UBE2E2: variants seen among roughly 807,000 people sequenced by gnomAD.
UBE2E2 encodes ubiquitin conjugating enzyme E2 E2.
A neutral mutation model predicts 24.7 loss-of-function variants in UBE2E2; 6 were observed. That is an observed-to-expected ratio of 0.24 (90% CI 0.13 to 0.48). The LOEUF is 0.48. Ranked by LOEUF, UBE2E2 falls within the 20% of genes least tolerant of loss-of-function variation. The pLI, the probability that UBE2E2 is intolerant of heterozygous loss-of-function variation, is 0.99. For missense variants in UBE2E2, 169 were observed against 245.0 expected (o/e 0.69, Z 2.07); for synonymous variants, 104 against 83.6 (o/e 1.24, Z -1.33).
intron 3 of UBE2E2, among the ~76,000 whole-genome samples, chr3:23,347,053 T>A (rs1695576134): frequency 6.6e-6 from 1 of 152,166 alleles, no homozygotes; most frequent in Admixed American, 6.5e-5. Flanking sequence ...GCTACTTCCC[T>A]CTCTTTACAT....
intron 5 of UBE2E2, among the ~76,000 whole-genome samples, chr3:23,538,496 A>G (rs1695315981): frequency 6.6e-6 from 1 of 152,216 alleles, no homozygotes; most frequent in African/African-American, 2.4e-5. Context: ...TTTTAATAGC[A>G]AGACAGTAAA....
intron 3 of UBE2E2, among the ~76,000 whole-genome samples, chr3:23,312,737 G>A (rs572380272): frequency 8.6e-5 from 13 of 151,832 alleles, no homozygotes; most frequent in African/African-American, 2.7e-4. Context: ...CTTTTTTGAC[G>A]TAGGCAAAAA....
chr3:23,371,690 G>A (rs1470842742), intron 3 of UBE2E2, among the ~76,000 whole-genome samples: 1 of 152,156 alleles, frequency 6.6e-6, no homozygotes, highest in Non-Finnish European at 1.5e-5. Context: ...GAAGTTAATT[G>A]AGAATAACTA....
At chr3:23,337,807 T>C (rs1305185984) in intron 3 of UBE2E2, among the ~76,000 whole-genome samples, 1 of 152,124 alleles carries the variant, frequency 6.6e-6, no homozygotes, top group African/African-American at 2.4e-5. Flanking sequence ...TGCAGTGTAT[T>C]TTAGGCTACG....
intron 4 of UBE2E2, among the ~76,000 whole-genome samples, chr3:23,514,173 T>G (rs527682998): frequency 6.6e-6 from 1 of 152,352 alleles, no homozygotes; most frequent in Non-Finnish European, 1.5e-5. Context: ...GTTCTTCATG[T>G]GGTCAATACC....
intron 5 of UBE2E2, among the ~76,000 whole-genome samples, chr3:23,543,449 T>G (rs1293870213): frequency 6.6e-6 from 1 of 152,066 alleles, no homozygotes; most frequent in Non-Finnish European, 1.5e-5. Context: ...ATGAACTCAT[T>G]TCCTCTTACA....
At chr3:23,219,683 C>G (rs562065345) in intron 3 of UBE2E2, among the ~76,000 whole-genome samples, 1 of 152,144 alleles carries the variant, frequency 6.6e-6, no homozygotes, top group African/African-American at 2.4e-5. Context: ...GAAAGCATCC[C>G]CTTACTCTGC....
chr3:23,436,910 A>T (rs1242773698), intron 3 of UBE2E2, among the ~76,000 whole-genome samples: 1 of 152,238 alleles, frequency 6.6e-6, no homozygotes, highest in African/African-American at 2.4e-5. Flanking sequence ...GCATAATACT[A>T]TGAGCTGGGT....
At chr3:23,464,236 A>C (rs544643528) in intron 3 of UBE2E2, among the ~76,000 whole-genome samples, 7 of 152,326 alleles carry the variant, frequency 4.6e-5, no homozygotes, top group African/African-American at 1.4e-4. Context: ...TTAATCTACT[A>C]TTTAAATGTA....
intron 3 of UBE2E2, among the ~76,000 whole-genome samples, chr3:23,323,362 A>G (rs1050504518): frequency 6.6e-5 from 10 of 152,078 alleles, no homozygotes; most frequent in African/African-American, 9.7e-5. Flanking sequence ...TCTTCTAGGG[A>G]ATACAAAAGT....
At chr3:23,459,482 A>G (rs1235570435) in intron 3 of UBE2E2, among the ~76,000 whole-genome samples, 3 of 152,230 alleles carry the variant, frequency 2.0e-5, no homozygotes, top group Non-Finnish European at 4.4e-5. Flanking sequence ...TGAGAAAATA[A>G]GTGAGTAGTA....
rs563528836 is a variant in UBE2E2 at position 23,204,129 on chromosome 3, T to C, written c.-9+665T>C. Among the ~76,000 whole-genome samples, 385 of 150,176 alleles carry C rather than the reference T, an allele frequency of 2.6e-3. 2 individuals are homozygous for C. Among genetic ancestry groups the C allele is most frequent in the African/African-American group, 9.1e-3 (372 of 40,788 alleles). On this transcript the variant is annotated intron_variant, in intron 1 of 5. Coordinates refer to ENST00000396703, the MANE Select transcript of UBE2E2 (RefSeq NM_152653.4). ...TTGAAACTGGATTCCCTCTGTCCTC[T>C]CCCCCTTCCCGCCCACCCCACTTCT...
rs548011430 is a variant in UBE2E2, at chr3:23,301,680, C to T, written c.227+84368C>T. On this transcript the variant is annotated intron_variant, in intron 3 of 5. Transcript: ENST00000396703. ...AGGAGTACCCGGCCGTGTGAGGTGT[C>T]AGTCCACCCCCTACTGAGAGATGCC... 2.6e-5 allele frequency among the ~76,000 whole-genome samples: 4 copies of T among 152,300 alleles called. No individual in the cohort carries two copies. The East Asian group carries it at 7.7e-4, about 29-fold the overall frequency.
At chr3:23,241,394 G>A (rs1261561493) in intron 3 of UBE2E2, among the ~76,000 whole-genome samples, 22 of 152,152 alleles carry the variant, frequency 1.4e-4, no homozygotes, top group Non-Finnish European at 1.5e-5. Context: ...TTTTAAACAT[G>A]AAAGTGAGAT....
At chr3:23,440,660 A>G (rs910368531) in intron 3 of UBE2E2, among the ~76,000 whole-genome samples, 36 of 152,226 alleles carry the variant, frequency 2.4e-4, no homozygotes, top group African/African-American at 8.4e-4. Context: ...AGGATAAAGT[A>G]AGATCAGCCT....
chr3:23,543,863 G>A (rs901341597), intron 5 of UBE2E2, among the ~76,000 whole-genome samples: 6 of 152,066 alleles, frequency 3.9e-5, no homozygotes, highest in Non-Finnish European at 8.8e-5. Flanking sequence ...TGTTATAAAA[G>A]TAGATACATA....
At chr3:23,336,869 G>C (rs922970524) in intron 3 of UBE2E2, among the ~76,000 whole-genome samples, 1 of 152,148 alleles carries the variant, frequency 6.6e-6, no homozygotes, top group Non-Finnish European at 1.5e-5. Context: ...GCCGGGTGCG[G>C]TGTTGCATGC....
intron 3 of UBE2E2, among the ~76,000 whole-genome samples, chr3:23,337,444 G>A (rs1005534838): frequency 2.0e-5 from 3 of 152,122 alleles, no homozygotes; most frequent in Non-Finnish European, 4.4e-5. Flanking sequence ...TTGTCCTTAA[G>A]GAATTGATAA....
intron 5 of UBE2E2, among the ~76,000 whole-genome samples, chr3:23,555,939 G>A (rs9856169): frequency 0.67 from 101,819 of 151,898 alleles, 35,753 homozygotes; most frequent in African/African-American, 0.89. Flanking sequence ...GGTCTCGTGT[G>A]CAACATAAGG....
Sources: allele counts gnomAD v4.1 joint callset (sites outside exome capture counted in the v4.1 genomes callset), GRCh38; gene constraint gnomAD v4.1.1; transcripts MANE v1.5; gene names NCBI Gene and HGNC (gene_info 2026-07-23, HGNC 2026-07-21).